Variants in SAMD12 observed in about 807,000 individuals in gnomAD.
SAMD12 encodes the protein sterile alpha motif domain-containing protein 12.
A neutral mutation model predicts 15.0 loss-of-function variants in SAMD12; 9 were observed. The ratio of observed to expected loss-of-function variants is 0.60; its 90% CI spans 0.36 to 1.05. SAMD12 has a LOEUF of 1.05. Among genes scored for constraint, SAMD12 ranks in the 50% least tolerant of loss-of-function variants. The pLI is 0.01. For synonymous variants in SAMD12, 86 were observed against 90.1 expected, an observed-to-expected ratio of 0.96 and a Z score of 0.25; for missense variants, 230 against 234.2, an observed-to-expected ratio of 0.98 and a Z score of 0.12.
the SAMD12 span, among the ~76,000 whole-genome samples, chr8:118,151,250 T>C: frequency 3.7e-4 from 57 of 152,214 alleles, no homozygotes; most frequent in African/African-American, 1.4e-3. Flanking sequence ...AAATGTACCA[T>C]TGGTATTTCT....
intron 2 of SAMD12, among the ~76,000 whole-genome samples, chr8:118,495,603 G>A (rs918590380): frequency 6.7e-6 from 1 of 148,486 alleles, no homozygotes; most frequent in Non-Finnish European, 1.5e-5. Flanking sequence ...TTTTGGTTAA[G>A]AGAATGGGAA....
intron 4 of SAMD12, among the ~76,000 whole-genome samples, chr8:118,339,583 G>A (rs952529850): frequency 2.6e-5 from 4 of 152,212 alleles, no homozygotes; most frequent in Non-Finnish European, 5.9e-5. Flanking sequence ...TGCTGATCAC[G>A]TGGCCTCGCT....
At chr8:118,457,225 T>C (rs1380536790) in intron 2 of SAMD12, among the ~76,000 whole-genome samples, 23 of 142,902 alleles carry the variant, frequency 1.6e-4, no homozygotes, top group South Asian at 4.5e-4. Flanking sequence ...TCTCTCTCTT[T>C]TTTTTTTTTT....
intron 3 of SAMD12, among the ~76,000 whole-genome samples, chr8:118,427,807 C>A (rs951193186): frequency 5.3e-5 from 8 of 152,134 alleles, no homozygotes; most frequent in African/African-American, 1.9e-4. Context: ...AGTGGAACTG[C>A]AGAATCATCT....
intron 3 of SAMD12, among the ~76,000 whole-genome samples, chr8:118,426,000 T>G (rs533188908): frequency 6.6e-6 from 1 of 152,186 alleles, no homozygotes; most frequent in Non-Finnish European, 1.5e-5. Context: ...TTTCTGTTTA[T>G]TCATGTGAAA....
At chr8:118,442,045 C>A (rs1207145348) in intron 2 of SAMD12, among the ~76,000 whole-genome samples, 1 of 152,186 alleles carries the variant, frequency 6.6e-6, no homozygotes, top group Non-Finnish European at 1.5e-5. Context: ...CCCCCAGATA[C>A]CACAATAGAG....
chr8:118,613,678 T>A (rs1410714260), intron 1 of SAMD12, among the ~76,000 whole-genome samples: 1 of 152,202 alleles, frequency 6.6e-6, no homozygotes, highest in Non-Finnish European at 1.5e-5. Context: ...TTAACTCAGA[T>A]CTTAATTGGG....
At position 118,594,714 on chromosome 8, in the gene SAMD12, A is replaced by T. The variant is rs952220218; in HGVS notation, c.14-13821T>A. Among the ~76,000 whole-genome samples, 8 of 151,866 alleles carry T rather than the reference A, an allele frequency of 5.3e-5. No homozygotes were observed. The South Asian group carries it at 1.7e-3, about 32-fold the overall frequency. ...TTGGGTATTAGAATAAGACATCTGAATTTTTTTTTCACTAAGCAGGTGGAA... is the reference window on the plus strand; with the variant it reads ...TTGGGTATTAGAATAAGACATCTGATTTTTTTTTTCACTAAGCAGGTGGAA... On this transcript the variant is annotated intron_variant, in intron 1 of 3. Transcript: ENST00000314727.
intron 2 of SAMD12, among the ~76,000 whole-genome samples, chr8:118,493,475 T>C (rs377513876): frequency 1.3e-5 from 2 of 152,168 alleles, no homozygotes; most frequent in Non-Finnish European, 2.9e-5. Context: ...CCTCTCCTTA[T>C]AGCTGTGATA....
chr8:118,368,685 G>A (rs2130669537), intron 4 of SAMD12, among the ~76,000 whole-genome samples: 1 of 152,300 alleles, frequency 6.6e-6, no homozygotes, highest in African/African-American at 2.4e-5. Flanking sequence ...TGCATTCACT[G>A]CTTTGAGAAG....
At chr8:118,451,818 AC>A (rs1823092197) in intron 2 of SAMD12, among the ~76,000 whole-genome samples, 1 of 151,966 alleles carries the variant, frequency 6.6e-6, no homozygotes, top group South Asian at 2.1e-4. Flanking sequence ...AAAGTTAGCC[AC>A]CCCCAACCCC....
chr8:118,317,705 AT>A (rs1815992155), intron 4 of SAMD12, among the ~76,000 whole-genome samples: 2 of 152,172 alleles, frequency 1.3e-5, no homozygotes, highest in African/African-American at 2.4e-5. Flanking sequence ...AGGTATTCAA[AT>A]TGTAAAAGTT....
At chr8:118,396,664 C>A (rs1820585498) in intron 3 of SAMD12, among the ~76,000 whole-genome samples, 1 of 152,208 alleles carries the variant, frequency 6.6e-6, no homozygotes, top group Non-Finnish European at 1.5e-5. Flanking sequence ...TAGTAATTGT[C>A]AGAGCAAAGA....
At chr8:118,514,547 A>C (rs1260523251) in intron 2 of SAMD12, among the ~76,000 whole-genome samples, 1 of 152,228 alleles carries the variant, frequency 6.6e-6, no homozygotes, top group Non-Finnish European at 1.5e-5. Flanking sequence ...TTTTATCTAT[A>C]AGGTATTTAA....
At chr8:118,487,595 A>G (rs1473284887) in intron 2 of SAMD12, among the ~76,000 whole-genome samples, 1 of 152,246 alleles carries the variant, frequency 6.6e-6, no homozygotes, top group East Asian at 1.9e-4. Flanking sequence ...AGTTTTATTG[A>G]GCCTTTAACC....
At chr8:118,162,227 G>A in the SAMD12 span, among the ~76,000 whole-genome samples, 8 of 147,788 alleles carry the variant, frequency 5.4e-5, no homozygotes, top group East Asian at 2.0e-4. Context: ...GGTACATCCT[G>A]AGGCAACTTT....
intron 3 of SAMD12, among the ~76,000 whole-genome samples, chr8:118,413,503 T>C (rs1451373441): frequency 1.3e-5 from 2 of 152,204 alleles, no homozygotes; most frequent in East Asian, 3.8e-4. Context: ...TCTGCAACCT[T>C]AGAATCAGCC....
At chr8:118,353,923 G>T (rs1010589575) in intron 4 of SAMD12, among the ~76,000 whole-genome samples, 1 of 152,114 alleles carries the variant, frequency 6.6e-6, no homozygotes, top group Admixed American at 6.5e-5. Context: ...GACAGTTTTG[G>T]CATTGGCTGC....
intron 1 of SAMD12, among the ~76,000 whole-genome samples, chr8:118,592,447 C>T (rs1827605995): frequency 6.6e-6 from 1 of 152,076 alleles, no homozygotes; most frequent in South Asian, 2.1e-4. Flanking sequence ...TCAAATCTGG[C>T]TGTCCCCACT....
Sources: gnomAD v4.1 joint callset for allele counts (sites outside exome capture counted in the v4.1 genomes callset) on GRCh38, gnomAD v4.1.1 for gene constraint, MANE v1.5 for transcripts, NCBI Gene and HGNC (gene_info 2026-07-23, HGNC 2026-07-21) for gene names.